Variants in TOP1 observed in about 807,000 individuals in gnomAD.
The protein encoded by TOP1 is DNA topoisomerase I, also known as DNA topoisomerase 1.
A neutral mutation model predicts 111.1 loss-of-function variants in TOP1; 10 were observed. That is an observed-to-expected ratio of 0.09 (90% CI 0.06 to 0.15). The LOEUF (loss-of-function observed/expected upper bound fraction) is 0.15. TOP1 is among the 10% of genes least tolerant of loss of function. The pLI, the probability that TOP1 is intolerant of heterozygous loss-of-function variation, is 1.00. For synonymous variants in TOP1, 271 were observed against 302.9 expected (o/e 0.89, Z 1.10); for missense variants, 474 against 926.7 (o/e 0.51, Z 6.34).
chr20:41,068,681 C>T (rs2033636233), intron 3 of TOP1, among the ~76,000 whole-genome samples: 1 of 152,174 alleles, frequency 6.6e-6, no homozygotes, highest in South Asian at 2.1e-4. Flanking sequence ...AGGCATGAGC[C>T]ACCATGGCCG....
intron 9 of TOP1, among the ~76,000 whole-genome samples, chr20:41,096,637 T>C (rs2033986851): frequency 6.6e-6 from 1 of 152,212 alleles, no homozygotes; most frequent in Non-Finnish European, 1.5e-5. Flanking sequence ...ACTTGTTGAA[T>C]AGCAAAGTTC....
In TOP1 at chr20:41,082,587, A is replaced by T. The variant is rs916596052; in HGVS notation, c.507+1347A>T. On this transcript the variant is annotated intron_variant, in intron 7 of 20. Coordinates refer to ENST00000361337, the MANE Select transcript of TOP1 (RefSeq NM_003286.4). The surrounding 1 kb of genome is among the most constrained non-coding windows in gnomAD (Gnocchi z 4.1). ...CAAGGAGGGAGAAGAAAGGTCTTTA[A>T]TGAAATCATATGAAGACCATTAGTG... Among the ~76,000 whole-genome samples, 1 of 152,216 alleles carries T rather than the reference A, an allele frequency of 6.6e-6. No individual in the cohort carries two copies. Among genetic ancestry groups the T allele is most frequent in the Non-Finnish European group, 1.5e-5 (1 of 68,032 alleles).
chr20:41,090,225 C>A (rs563902460), intron 8 of TOP1, among the ~76,000 whole-genome samples: 1 of 152,122 alleles, frequency 6.6e-6, no homozygotes, highest in African/African-American at 2.4e-5. Context: ...TCCCTCCGCC[C>A]GCTTTGGCCT....
At chr20:41,037,297 C>T (rs574808860) in intron 2 of TOP1, among the ~76,000 whole-genome samples, 1 of 152,176 alleles carries the variant, frequency 6.6e-6, no homozygotes, top group African/African-American at 2.4e-5. Flanking sequence ...TGACCCTTTT[C>T]GATGCATTTA....
chr20:41,111,417 C>A (rs760341710), intron 13 of TOP1, among the ~76,000 whole-genome samples: 2 of 152,148 alleles, frequency 1.3e-5, no homozygotes, highest in Non-Finnish European at 2.9e-5. Flanking sequence ...ACTCTTGTAG[C>A]CAAACAAGTG....
At chr20:41,044,002 C>T (rs1198455435) in intron 2 of TOP1, among the ~76,000 whole-genome samples, 2 of 152,212 alleles carry the variant, frequency 1.3e-5, no homozygotes, top group Non-Finnish European at 2.9e-5. Context: ...CCCAGCCGGG[C>T]GTGGTGGCTC....
At position 41,095,339 on chromosome 20, in the gene TOP1, C is replaced by T. The variant is rs2033968612; in HGVS notation, c.731-1881C>T. On this transcript the variant is annotated intron_variant, in intron 9 of 20. Transcript: ENST00000361337. This position sits in a 1 kb window ranked among gnomAD's most constrained non-coding sequence, Gnocchi z 4.6. The stretch of plus-strand genomic sequence containing the variant: ...GGGATTACAGATGTGAACCACCATG[C>T]TCAGCCACATTTTTTTTTAAATGGT... Among the ~76,000 whole-genome samples, 1 of 152,200 alleles carries T rather than the reference C, an allele frequency of 6.6e-6. No homozygotes were observed. Among genetic ancestry groups the T allele is most frequent in the Non-Finnish European group, 1.5e-5 (1 of 68,034 alleles).
chr20:41,034,372 A>G lies in TOP1; in HGVS notation c.58+4917A>G, dbSNP rs1301516386. 6.6e-6 allele frequency among the ~76,000 whole-genome samples: 1 copy of G among 152,218 alleles called. No individual in the cohort carries two copies. Among genetic ancestry groups the G allele is most frequent in the Non-Finnish European group, 1.5e-5 (1 of 68,044 alleles). On this transcript the variant is annotated intron_variant, in intron 2 of 20. Coordinates refer to ENST00000361337, the MANE Select transcript of TOP1 (RefSeq NM_003286.4). This position sits in a 1 kb window ranked among gnomAD's most constrained non-coding sequence, Gnocchi z 4.0. The stretch of plus-strand genomic sequence containing the variant: ...CAATAGCTGCAGTAGAAAATCTAAA[A>G]TAGAGGCCAGGGTTGGAATAATTAG...
intron 13 of TOP1, among the ~76,000 whole-genome samples, chr20:41,103,525 C>G (rs965956710): frequency 6.6e-6 from 1 of 152,138 alleles, no homozygotes; most frequent in African/African-American, 2.4e-5. Context: ...TAAATATGAA[C>G]TGTTATAAAT....
chr20:41,114,068 G>A lies in TOP1; in HGVS notation c.1551G>A (p.Glu517=). Residue 517 remains glutamate, a synonymous_variant, in exon 15 of 21, where the codon GAG becomes GAA. Coordinates refer to ENST00000361337, the MANE Select transcript of TOP1 (RefSeq NM_003286.4). The surrounding 1 kb of genome is among the most constrained non-coding windows in gnomAD (Gnocchi z 4.5). The part of the protein sequence containing the change: ...LRVEHINLHP[E]LDGQEYVVEF... ...TGGAGCACATCAATCTACACCCAGA[G>A]TTGGATGGTCAGGAATATGTGGTAG... 6.2e-7 allele frequency: 1 copy of A among 1,614,210 alleles called. No homozygotes were observed. Among genetic ancestry groups the A allele is most frequent in the Non-Finnish European group, 8.5e-7 (1 of 1,180,018 alleles).
Position 41,092,601 on chromosome 20 carries a change from A to G in TOP1, c.730+14A>G. The G allele has an allele frequency of 1.5e-6, 2 of 1,342,672 alleles. No individual in the cohort carries two copies. The highest frequency in any genetic ancestry group is 2.3e-5 in the East Asian group (1 of 43,094). 83.2% of individuals were successfully genotyped at this position (1,342,672 alleles called of 1,614,324 possible). ...TTTATTATGATGGTGAGTTGTTTCA[A>G]GGTTCTTGATTCTTGGCCAGGAAAA... is the stretch of plus-strand genomic sequence containing the variant. On this transcript the variant is annotated intron_variant, in intron 9 of 20. Transcript: ENST00000361337. The surrounding 1 kb of genome is among the most constrained non-coding windows in gnomAD (Gnocchi z 4.3).
rs933003321 is a variant in TOP1 at position 41,067,306 on chromosome 20, A to C, written c.155+5816A>C. On this transcript the variant is annotated intron_variant, in intron 3 of 20. Transcript: ENST00000361337. This position sits in a 1 kb window ranked among gnomAD's most constrained non-coding sequence, Gnocchi z 4.0. Reference sequence around the variant, plus strand: ...GAGCTAATTTTTGTATTTTTGGTAGAGACGAGGTTTCACCATATTGGCCAG... The same window carrying C: ...GAGCTAATTTTTGTATTTTTGGTAGCGACGAGGTTTCACCATATTGGCCAG... Among the ~76,000 whole-genome samples, 2 of 151,790 alleles carry C rather than the reference A, an allele frequency of 1.3e-5. No individual in the cohort carries two copies. The highest frequency in any genetic ancestry group is 2.9e-5 in the Non-Finnish European group (2 of 67,970).
Position 41,029,322 on chromosome 20 carries a change from C to A in TOP1, c.34-109C>A. On this transcript the variant is annotated intron_variant, in intron 1 of 20. Transcript: ENST00000361337. This position sits in a 1 kb window ranked among gnomAD's most constrained non-coding sequence, Gnocchi z 6.1. The stretch of plus-strand genomic sequence containing the variant: ...CTGCCCTCTGTGGCCACCCCCGGGT[C>A]CCCGTCCTCCCCGGGGGCGCAGGGT... 1 of 1,027,236 alleles carries A rather than the reference C, an allele frequency of 9.7e-7. No homozygotes were observed. The highest frequency in any genetic ancestry group is 1.4e-6 in the Non-Finnish European group (1 of 737,000). The allele number at this position is 1,027,236 out of a possible 1,614,324, so 63.6% of individuals were successfully genotyped here.
chr20:41,099,452 C>G (rs1423142684), intron 11 of TOP1, among the ~76,000 whole-genome samples: 2 of 152,144 alleles, frequency 1.3e-5, no homozygotes, highest in Admixed American at 6.5e-5. Context: ...TCTGTTCCCA[C>G]CCACAAGGCA....
chr20:41,040,967 T>C (rs777209591), intron 2 of TOP1, among the ~76,000 whole-genome samples: 22 of 152,106 alleles, frequency 1.4e-4, no homozygotes, highest in Non-Finnish European at 2.9e-4. Context: ...AGGCACTAGG[T>C]ATTGTGAACT....
chr20:41,074,138 G>A (rs2033698468), intron 3 of TOP1, among the ~76,000 whole-genome samples: 1 of 151,768 alleles, frequency 6.6e-6, no homozygotes, highest in Non-Finnish European at 1.5e-5. Flanking sequence ...AAAGCTTGGC[G>A]AAGTTAATGA....
At position 41,030,731 on chromosome 20, in the gene TOP1, T is replaced by C. The variant is rs1484040670; in HGVS notation, c.58+1276T>C. On this transcript the variant is annotated intron_variant, in intron 2 of 20. Coordinates refer to ENST00000361337, the MANE Select transcript of TOP1 (RefSeq NM_003286.4). The surrounding 1 kb of genome is among the most constrained non-coding windows in gnomAD (Gnocchi z 4.1). ...CCGGGAACCTCTCCAATGGGAGAAG[T>C]TGATGAGTAGGTTTTCTAATGTTGT... Among the ~76,000 whole-genome samples the C allele has an allele frequency of 1.3e-5, 2 of 152,152 alleles. No homozygotes were observed. The highest frequency in any genetic ancestry group is 2.9e-5 in the Non-Finnish European group (2 of 68,042).
chr20:41,035,483 A>G (rs1266787628), intron 2 of TOP1, among the ~76,000 whole-genome samples: 2 of 152,204 alleles, frequency 1.3e-5, no homozygotes, highest in African/African-American at 4.8e-5. Context: ...TGTTAAAGCA[A>G]TCAGTATTTT....
Position 41,114,388 on chromosome 20 carries a change from G to A in TOP1, c.1638+233G>A, listed in dbSNP as rs2034295612. On this transcript the variant is annotated intron_variant, in intron 15 of 20. Coordinates refer to ENST00000361337, the MANE Select transcript of TOP1 (RefSeq NM_003286.4). This position sits in a 1 kb window ranked among gnomAD's most constrained non-coding sequence, Gnocchi z 4.5. ...GTGATCACACCTGTGAATAGCCACT[G>A]TACTCCAGCCTGGGCAAAATAGTGA... Among the ~76,000 whole-genome samples the A allele has an allele frequency of 6.6e-6, 1 of 152,238 alleles. No homozygotes were observed. Among genetic ancestry groups the A allele is most frequent in the Admixed American group, 6.5e-5 (1 of 15,288 alleles).
Sources: allele counts gnomAD v4.1 joint callset (sites outside exome capture counted in the v4.1 genomes callset), GRCh38; gene constraint gnomAD v4.1.1; non-coding constraint Gnocchi (gnomAD v3.1); transcripts MANE v1.5; gene names NCBI Gene and HGNC (gene_info 2026-07-23, HGNC 2026-07-21).